The following GNG7 variants were observed in gnomAD, a reference collection of about 807,000 sequenced individuals.
GNG7 encodes the protein G protein subunit gamma 7.
Under a neutral mutation model 4.0 loss-of-function variants are expected in GNG7, and 1 was observed. The observed-to-expected ratio is 0.25, with a 90% confidence interval of 0.09 to 1.18. GNG7 has a LOEUF of 1.18. Among genes scored for constraint, GNG7 ranks in the 50% most tolerant of loss-of-function variants. GNG7 has a pLI of 0.50. For missense variants in GNG7, 86 were observed against 91.9 expected, an observed-to-expected ratio of 0.94 and a Z score of 0.26; for synonymous variants, 34 against 36.9, an observed-to-expected ratio of 0.92 and a Z score of 0.29.
chr19:2,533,816 G>A (rs1304072467), intron 3 of GNG7, among the ~76,000 whole-genome samples: 1 of 152,178 alleles, frequency 6.6e-6, no homozygotes, highest in African/African-American at 2.4e-5. Flanking sequence ...AAATGTTGTA[G>A]AGAGGAAAGA....
chr19:2,574,275 C>G (rs1299369364), intron 2 of GNG7, among the ~76,000 whole-genome samples: 9 of 152,154 alleles, frequency 5.9e-5, no homozygotes, highest in Admixed American at 5.9e-4. Flanking sequence ...AGCCCTTCCT[C>G]TCCCTCTCTC....
intron 2 of GNG7, among the ~76,000 whole-genome samples, chr19:2,597,938 A>ATTTT (rs1160983613): frequency 5.9e-5 from 9 of 152,056 alleles, no homozygotes; most frequent in Admixed American, 1.3e-4. Flanking sequence ...AAAGGTAAAA[A>ATTTT]GCAGCTCAGG....
At chr19:2,680,751 T>C (rs1362265992) in intron 1 of GNG7, among the ~76,000 whole-genome samples, 1 of 151,728 alleles carries the variant, frequency 6.6e-6, no homozygotes, top group East Asian at 1.9e-4. Context: ...AATTTTGTAT[T>C]TTAGTAGAGG....
At chr19:2,562,538 C>T (rs1052178035) in intron 2 of GNG7, among the ~76,000 whole-genome samples, 1 of 152,120 alleles carries the variant, frequency 6.6e-6, no homozygotes, top group Admixed American at 6.6e-5. Flanking sequence ...CAGGGTTTTT[C>T]CCCCCGGGCA....
chr19:2,700,469 G>T (rs1014684232), intron 1 of GNG7, among the ~76,000 whole-genome samples: 2 of 151,978 alleles, frequency 1.3e-5, no homozygotes, highest in African/African-American at 4.8e-5. Flanking sequence ...AAAGCTTCTG[G>T]GGGTGACCCT....
chr19:2,619,762 C>T (rs745938344), intron 2 of GNG7, among the ~76,000 whole-genome samples: 3 of 151,184 alleles, frequency 2.0e-5, no homozygotes, highest in Middle Eastern at 3.2e-3. Context: ...GCAGGGCTGC[C>T]GGGGGGAGAT....
chr19:2,548,481 G>GAAAA (rs34242476), intron 3 of GNG7, among the ~76,000 whole-genome samples: 1 of 77,312 alleles, frequency 1.3e-5, no homozygotes. Flanking sequence ...GCTCTGTCTG[G>GAAAA]AAAAAAAAAA....
chr19:2,699,147 CTT>C (rs371884402), intron 1 of GNG7, among the ~76,000 whole-genome samples: 11,195 of 128,146 alleles, frequency 0.087, 828 homozygotes, highest in African/African-American at 0.24. Flanking sequence ...AAGGAGTAGC[CTT>C]TTTTTTTTTT....
intron 3 of GNG7, among the ~76,000 whole-genome samples, chr19:2,538,992 C>T (rs991684362): frequency 6.6e-6 from 1 of 151,946 alleles, no homozygotes; most frequent in Non-Finnish European, 1.5e-5. Context: ...AGGATGGTCT[C>T]GATCTCCTGA....
chr19:2,643,177 C>T (rs1982562293), intron 2 of GNG7: 1 of 446,158 alleles, frequency 2.2e-6, no homozygotes, highest in Non-Finnish European at 4.5e-6. Flanking sequence ...AATGCAAAGT[C>T]GGAGACCTCT....
chr19:2,689,266 A>T (rs1913078764), intron 1 of GNG7, among the ~76,000 whole-genome samples: 1 of 148,652 alleles, frequency 6.7e-6, no homozygotes, highest in Admixed American at 6.7e-5. Context: ...GAAAAAAAAT[A>T]ATTATATAAA....
In GNG7 at chr19:2,557,209, A is replaced by G. The variant is rs1333650290; in HGVS notation, c.-77-2021T>C. On this transcript the variant is annotated intron_variant, in intron 2 of 4. Coordinates refer to ENST00000382159, the MANE Select transcript of GNG7 (RefSeq NM_052847.3). This position sits in a 1 kb window ranked among gnomAD's most constrained non-coding sequence, Gnocchi z 5.1. ...GACACGTGCACACACATTTGCATGC[A>G]CACACAGACACACATGCACACACAG... 6.6e-6 allele frequency among the ~76,000 whole-genome samples: 1 copy of G among 151,066 alleles called. No individual in the cohort carries two copies. Among genetic ancestry groups the G allele is most frequent in the Admixed American group, 6.6e-5 (1 of 15,226 alleles).
intron 1 of GNG7, among the ~76,000 whole-genome samples, chr19:2,650,183 C>CTTTTTTTTTTTT (rs529803793): frequency 1.6e-5 from 2 of 126,006 alleles, no homozygotes; most frequent in African/African-American, 6.4e-5. Context: ...TCATAGGAAT[C>CTTTTTTTTTTTT]TTTTTTTTTT....
At chr19:2,625,245 A>C (rs540030112) in intron 2 of GNG7, among the ~76,000 whole-genome samples, 1 of 152,044 alleles carries the variant, frequency 6.6e-6, no homozygotes, top group African/African-American at 2.4e-5. Context: ...ATTTTTAAAA[A>C]TTTTTTTGTA....
intron 2 of GNG7, among the ~76,000 whole-genome samples, chr19:2,588,548 C>T (rs1980745282): frequency 6.6e-6 from 1 of 152,224 alleles, no homozygotes. Flanking sequence ...GCGGCGGCAG[C>T]TGGACGCGGG....
intron 2 of GNG7, among the ~76,000 whole-genome samples, chr19:2,578,278 G>C (rs1393112657): frequency 2.6e-5 from 4 of 152,124 alleles, no homozygotes; most frequent in African/African-American, 9.7e-5. Flanking sequence ...TCCCCCGTTA[G>C]AGCCGGGGGC....
At chr19:2,550,768 G>T (rs1439667774) in intron 3 of GNG7, among the ~76,000 whole-genome samples, 1 of 152,170 alleles carries the variant, frequency 6.6e-6, no homozygotes, top group Non-Finnish European at 1.5e-5. Context: ...CTATAAAATG[G>T]GGACAATGAG....
At chr19:2,594,757 G>C (rs1980963890) in intron 2 of GNG7, among the ~76,000 whole-genome samples, 1 of 152,082 alleles carries the variant, frequency 6.6e-6, no homozygotes, top group South Asian at 2.1e-4. Flanking sequence ...CTTGCTCCAT[G>C]ATTATCAACA....
At chr19:2,576,352 G>A (rs922468090) in intron 2 of GNG7, among the ~76,000 whole-genome samples, 4 of 152,302 alleles carry the variant, frequency 2.6e-5, no homozygotes, top group Admixed American at 1.3e-4. Flanking sequence ...CTGGGAATCC[G>A]CCCTGGGTGG....
Sources: gnomAD v4.1 joint callset for allele counts (sites outside exome capture counted in the v4.1 genomes callset) on GRCh38, gnomAD v4.1.1 for gene constraint, Gnocchi (gnomAD v3.1) non-coding constraint, MANE v1.5 for transcripts, NCBI Gene and HGNC (gene_info 2026-07-23, HGNC 2026-07-21) for gene names.